The following SLC24A2 variants were observed in gnomAD, a reference collection of about 807,000 sequenced individuals.
The protein encoded by SLC24A2 is solute carrier family 24 member 2.
A neutral mutation model predicts 62.0 loss-of-function variants in SLC24A2; 36 were observed. That is an observed-to-expected ratio of 0.58 (90% CI 0.44 to 0.77). SLC24A2 has a LOEUF of 0.77. Ranked by LOEUF, SLC24A2 falls within the 30% of genes least tolerant of loss-of-function variation. The pLI, the probability that SLC24A2 is intolerant of heterozygous loss-of-function variation, is 0.00. For synonymous variants in SLC24A2, 358 were observed against 294.0 expected (o/e 1.22, Z -2.23); for missense variants, 846 against 817.9 (o/e 1.03, Z -0.42).
intron 5 of SLC24A2, 83 bp from the exon 6 acceptor site, chr9:19,577,105 G>A: frequency 9.6e-7 from 1 of 1,037,844 alleles, no homozygotes. Context: ...GGCCTCCTCA[G>A]TCACGCTGCA....
intron 2 of SLC24A2, among the ~76,000 whole-genome samples, chr9:19,634,501 T>C (rs1433020672): frequency 6.6e-6 from 1 of 152,120 alleles, no homozygotes; most frequent in African/African-American, 2.4e-5. Context: ...TTGGTCAGGC[T>C]GGTCTCAAAC....
At chr9:19,773,658 C>G (rs753242239) in intron 2 of SLC24A2, among the ~76,000 whole-genome samples, 1 of 152,176 alleles carries the variant, frequency 6.6e-6, no homozygotes, top group Non-Finnish European at 1.5e-5. Context: ...CCTATGACAC[C>G]AAGCTAGGCA....
chr9:20,014,856 A>T, the SLC24A2 span, among the ~76,000 whole-genome samples: 3 of 152,196 alleles, frequency 2.0e-5, no homozygotes, highest in African/African-American at 7.2e-5. Flanking sequence ...TGTATTATAT[A>T]TTTCAAAATA....
intron 4 of SLC24A2, among the ~76,000 whole-genome samples, chr9:19,607,793 C>A (rs531551288): frequency 6.6e-6 from 1 of 150,696 alleles, no homozygotes; most frequent in South Asian, 2.1e-4. Flanking sequence ...CCAACCTTTT[C>A]ATTGGAGAAA....
At chr9:19,950,118 G>A in the SLC24A2 span, among the ~76,000 whole-genome samples, 2 of 152,300 alleles carry the variant, frequency 1.3e-5, no homozygotes, top group East Asian at 1.9e-4. Context: ...ATCCAAATCT[G>A]TGACTTAATT....
chr9:19,652,448 G>C (rs1818828702), intron 2 of SLC24A2, among the ~76,000 whole-genome samples: 1 of 152,134 alleles, frequency 6.6e-6, no homozygotes, highest in South Asian at 2.1e-4. Context: ...ATAAGAGGGA[G>C]GCAATGGAGT....
chr9:19,798,575 T>C, the SLC24A2 span, among the ~76,000 whole-genome samples: 1 of 148,848 alleles, frequency 6.7e-6, no homozygotes, highest in African/African-American at 2.5e-5. Flanking sequence ...ATATGAACAA[T>C]ACGTTTGATC....
At chr9:19,689,519 G>C (rs138625847) in intron 2 of SLC24A2, among the ~76,000 whole-genome samples, 3 of 152,256 alleles carry the variant, frequency 2.0e-5, no homozygotes, top group Non-Finnish European at 2.9e-5. Flanking sequence ...GTACGGGAGT[G>C]TGATAGATGA....
At chr9:19,540,491 C>G (rs1386247056) in intron 8 of SLC24A2, among the ~76,000 whole-genome samples, 2 of 151,422 alleles carry the variant, frequency 1.3e-5, no homozygotes, top group African/African-American at 4.9e-5. Flanking sequence ...ATATGAAATT[C>G]TGGGTTGAAA....
chr9:19,909,346 G>T, the SLC24A2 span, among the ~76,000 whole-genome samples: 1 of 152,036 alleles, frequency 6.6e-6, no homozygotes, highest in Non-Finnish European at 1.5e-5. Flanking sequence ...GGACGGGGAG[G>T]GCGGAGGGAT....
At chr9:20,304,844 T>G in the SLC24A2 span, among the ~76,000 whole-genome samples, 1 of 151,342 alleles carries the variant, frequency 6.6e-6, no homozygotes, top group Non-Finnish European at 1.5e-5. Flanking sequence ...AGCAAGGACA[T>G]AGTCCTAGGT....
At chr9:19,646,885 G>C (rs12684359) in intron 2 of SLC24A2, among the ~76,000 whole-genome samples, 2,498 of 152,006 alleles carry the variant, frequency 0.016, 45 homozygotes, top group East Asian at 0.094. Flanking sequence ...GGAGGGAAAG[G>C]AGTTATCAAT....
intron 2 of SLC24A2, among the ~76,000 whole-genome samples, chr9:19,697,281 C>T (rs1332484566): frequency 2.6e-5 from 4 of 152,050 alleles, no homozygotes; most frequent in African/African-American, 4.8e-5. Flanking sequence ...TGGGGCCTGC[C>T]GGGGGTGCAG....
the SLC24A2 span, among the ~76,000 whole-genome samples, chr9:19,834,444 C>A: frequency 2.6e-5 from 4 of 152,060 alleles, no homozygotes; most frequent in Non-Finnish European, 5.9e-5. Context: ...GCCTCAGTAA[C>A]CGATGCGATC....
chr9:19,563,920 C>T (rs932811809), intron 7 of SLC24A2, among the ~76,000 whole-genome samples: 5 of 146,606 alleles, frequency 3.4e-5, no homozygotes, highest in African/African-American at 7.5e-5. Context: ...CTAGGGTGAT[C>T]ATGGCTCATT....
Position 19,786,193 on chromosome 9 carries a change from A to T in SLC24A2, c.674T>A (p.Leu225Gln). The T allele has an allele frequency of 6.2e-7, 1 of 1,614,200 alleles. No individual in the cohort carries two copies. The change falls in exon 2 of 11, where the codon CTG becomes CAG. Residue 225 changes from leucine (L) to glutamine (Q), a missense_variant. Physicochemically the swap from Leu to Gln is moderately radical, Grantham distance 113. Transcript: ENST00000341998. The surrounding 1 kb of genome is among the most constrained non-coding windows in gnomAD (Gnocchi z 5.0). ...NILFVIGMCA[L>Q]FSREILNLTW... ...CAGGTTTAAGATTTCTCTAGAAAAC[A>T]GAGCACACATGCCAATAACAAAGAG...
chr9:20,091,153 GA>G, the SLC24A2 span, among the ~76,000 whole-genome samples: 7 of 148,656 alleles, frequency 4.7e-5, no homozygotes, highest in East Asian at 2.0e-4. Flanking sequence ...AAAAGAAAAA[GA>G]AAAAAAAAGA....
At chr9:19,908,576 A>T in the SLC24A2 span, among the ~76,000 whole-genome samples, 1 of 152,240 alleles carries the variant, frequency 6.6e-6, no homozygotes, top group South Asian at 2.1e-4. Flanking sequence ...AAATTTTTGC[A>T]ATCTACTCAT....
chr9:20,243,230 C>A, the SLC24A2 span, among the ~76,000 whole-genome samples: 6 of 150,996 alleles, frequency 4.0e-5, no homozygotes, highest in Non-Finnish European at 5.9e-5. Flanking sequence ...AAATTAGCAC[C>A]TTCATTCCCT....
Sources: gnomAD v4.1 joint callset for allele counts (sites outside exome capture counted in the v4.1 genomes callset) on GRCh38, gnomAD v4.1.1 for gene constraint, Gnocchi (gnomAD v3.1) non-coding constraint, MANE v1.5 for transcripts, NCBI Gene and HGNC (gene_info 2026-07-23, HGNC 2026-07-21) for gene names.